CRY2: variants seen among roughly 807,000 people sequenced by gnomAD.
CRY2 encodes cryptochrome-2.
CRY2 carries 31 observed loss-of-function variants against 69.5 expected under a neutral mutation model. That is an observed-to-expected ratio of 0.45 (90% CI 0.34 to 0.60). The LOEUF (loss-of-function observed/expected upper bound fraction) is 0.60, where lower values mean the gene tolerates loss of function less well. CRY2 is among the 20% of genes least tolerant of loss of function. The pLI, the probability that CRY2 is intolerant of heterozygous loss-of-function variation, is 0.02. For missense variants in CRY2, 606 were observed against 797.8 expected, an observed-to-expected ratio of 0.76 and a Z score of 2.90; for synonymous variants, 303 against 312.2, an observed-to-expected ratio of 0.97 and a Z score of 0.31.
chr11:45,880,915 T>G lies in CRY2; in HGVS notation c.*4T>G, dbSNP rs566584473. ...TTTGCACTTGTTTTTCTCTTCCAGC[T>G]GCAGAGCCCTTGCTCCGTGAGCAAA... On this transcript the variant is annotated splice_region_variant and 3_prime_UTR_variant, in exon 12 of 12. Transcript: ENST00000616080. 5.1e-4 allele frequency: 78 copies of G among 152,414 alleles called. No homozygotes were observed. Among genetic ancestry groups the G allele is most frequent in the African/African-American group, 1.8e-3 (75 of 41,588 alleles). The allele number at this position is 152,414 out of a possible 1,614,324, so 9.4% of individuals were successfully genotyped here.
intron 2 of CRY2, among the ~76,000 whole-genome samples, chr11:45,857,548 T>G (rs946916038): frequency 3.9e-5 from 6 of 152,120 alleles, no homozygotes. Context: ...GGCCCCATAC[T>G]AGGTATAAGG....
intron 9 of CRY2, 104 bp from the exon 10 acceptor site, chr11:45,870,736 CAG>C: frequency 8.9e-7 from 1 of 1,117,838 alleles, no homozygotes; most frequent in Non-Finnish European, 1.3e-6. Context: ...AATGGAACCT[CAG>C]TGTCTTGCTC....
At chr11:45,878,862 T>G (rs1565065415) in intron 11 of CRY2, among the ~76,000 whole-genome samples, 1 of 136,666 alleles carries the variant, frequency 7.3e-6, no homozygotes, top group Non-Finnish European at 1.5e-5. Flanking sequence ...GAAGTTGCAG[T>G]GAGCCAAGAT....
intron 5 of CRY2, among the ~76,000 whole-genome samples, chr11:45,862,744 C>CT (rs2086298160): frequency 6.6e-6 from 1 of 152,152 alleles, no homozygotes; most frequent in Admixed American, 6.5e-5. Flanking sequence ...TGCTGGAACT[C>CT]TTTCAGCGTG....
intron 10 of CRY2, among the ~76,000 whole-genome samples, chr11:45,871,607 CTG>C (rs2086383797): frequency 6.6e-6 from 1 of 152,210 alleles, no homozygotes; most frequent in Non-Finnish European, 1.5e-5. Context: ...AGGAGAAAGA[CTG>C]GACAGATTCG....
At position 45,871,427 on chromosome 11, in the gene CRY2, G is replaced by A. The variant is rs1303514410; in HGVS notation, c.1642+493G>A. 2.0e-5 allele frequency among the ~76,000 whole-genome samples: 3 copies of A among 152,126 alleles called. No homozygotes were observed. The East Asian group carries it at 5.8e-4, about 29-fold the overall frequency. On this transcript the variant is annotated intron_variant, in intron 10 of 11. Coordinates refer to ENST00000616080, the MANE Select transcript of CRY2 (RefSeq NM_021117.5). ...GTGGCAGGCCTGATGTCCGAGACGA[G>A]GACTAGGATTCAGCCTTCAGTGCAC...
In CRY2 at chr11:45,870,928, AG is replaced by A; in HGVS notation, c.1637del (p.Ser546MetfsTer77). The A allele has an allele frequency of 6.2e-7, 1 of 1,610,134 alleles. No individual in the cohort carries two copies. Among genetic ancestry groups the A allele is most frequent in the Non-Finnish European group, 8.5e-7 (1 of 1,179,734 alleles). ...PSSSQAGSMS[S>X]AGPRPLPSGP... ...CTCGAGCCAGGCTGGCAGCATGAGC[AG>A]TGCAGGTGAGCAGCAGCAACCAACC... On this transcript the variant is annotated frameshift_variant, in exon 10 of 12. Transcript: ENST00000616080. LOFTEE classifies it high-confidence loss of function.
intron 11 of CRY2, among the ~76,000 whole-genome samples, chr11:45,879,859 A>T (rs114549313): frequency 6.6e-6 from 1 of 152,132 alleles, no homozygotes; most frequent in Admixed American, 6.5e-5. Context: ...TTTTCTTCTG[A>T]GGCTCCTCTC....
rs1056806673 is a variant in CRY2 at position 45,864,014 on chromosome 11, C to A, written c.741+1866C>A. Among the ~76,000 whole-genome samples, 4 of 152,136 alleles carry A rather than the reference C, an allele frequency of 2.6e-5. No individual in the cohort carries two copies. The East Asian group carries it at 5.8e-4, about 22-fold the overall frequency. ...GAATTTGAATACCACCATTTTGTAA[C>A]CCTCAATAATGATGCATTATGTATT... On this transcript the variant is annotated intron_variant, in intron 5 of 11. Transcript: ENST00000616080.
At chr11:45,848,415 T>G (rs2086169607) in intron 1 of CRY2, among the ~76,000 whole-genome samples, 2 of 152,092 alleles carry the variant, frequency 1.3e-5, no homozygotes, top group South Asian at 4.2e-4. Flanking sequence ...ATAGAAAAAT[T>G]TAAAAGAATC....
At chr11:45,860,752 C>G (rs1256188226) in intron 3 of CRY2, 96 bp from the exon 4 acceptor site, 5 of 1,420,022 alleles carry the variant, frequency 3.5e-6, no homozygotes, top group Non-Finnish European at 4.8e-6. Context: ...GAAAGCCACC[C>G]TCAAAGCCTT....
In CRY2 at chr11:45,870,388, G is replaced by A; in HGVS notation, c.1405G>A (p.Ala469Thr). 6.2e-7 allele frequency: 1 copy of A among 1,614,222 alleles called. No individual in the cohort carries two copies. The highest frequency in any genetic ancestry group is 1.1e-5 in the South Asian group (1 of 91,090). The change falls in exon 9 of 12, where the codon GCC becomes ACC. Residue 469 changes from alanine (A) to threonine (T), a missense_variant. By Grantham distance (58) the Ala-to-Thr change is moderately conservative (BLOSUM62 0). Coordinates refer to ENST00000616080, the MANE Select transcript of CRY2 (RefSeq NM_021117.5). ...TCGATACATCTATGAGCCCTGGAAT[G>A]CCCCAGAGTCAATTCAGAAGGCAGC... ...PSRYIYEPWN[A>T]PESIQKAAKC...
intron 11 of CRY2, among the ~76,000 whole-genome samples, chr11:45,877,850 C>G (rs1002807712): frequency 4.6e-5 from 7 of 152,188 alleles, no homozygotes; most frequent in Admixed American, 3.9e-4. Context: ...GCTCGAGTAA[C>G]TAGTTGAACA....
Position 45,861,003 on chromosome 11 carries a change from C to T in CRY2, c.623C>T (p.Thr208Ile). The T allele has an allele frequency of 6.2e-7, 1 of 1,613,596 alleles. No homozygotes were observed. Among genetic ancestry groups the T allele is most frequent in the Non-Finnish European group, 8.5e-7 (1 of 1,180,002 alleles). The change falls in exon 4 of 12, where the codon ACC becomes ATC. Residue 208 changes from threonine (T) to isoleucine (I), a missense_variant. Physicochemically the swap from Thr to Ile is moderately conservative, Grantham distance 89. Transcript: ENST00000616080. ...RAEIQENHDETYGVPSLEELG... is the reference protein window; with the variant it reads ...RAEIQENHDEIYGVPSLEELG... ...GAGATCCAGGAGAACCACGACGAGA[C>T]CTACGGCGTGCCCTCCCTGGAGGAG...
chr11:45,877,744 A>T (rs1192387539), intron 11 of CRY2, among the ~76,000 whole-genome samples: 1 of 151,788 alleles, frequency 6.6e-6, no homozygotes, highest in Non-Finnish European at 1.5e-5. Flanking sequence ...TTTTTGCAAG[A>T]CCTCATTTGA....
intron 6 of CRY2, among the ~76,000 whole-genome samples, chr11:45,868,998 G>A (rs2086353333): frequency 6.6e-6 from 1 of 152,160 alleles, no homozygotes; most frequent in Non-Finnish European, 1.5e-5. Flanking sequence ...GGATAGCTTT[G>A]CCAGTTTGGT....
At chr11:45,876,244 T>C (rs888123917) in intron 11 of CRY2, among the ~76,000 whole-genome samples, 6 of 152,192 alleles carry the variant, frequency 3.9e-5, no homozygotes, top group African/African-American at 1.4e-4. Context: ...TCTATAGTTC[T>C]GGATTCTGTT....
chr11:45,869,691 C>T lies in CRY2; in HGVS notation c.1068C>T (p.Phe356=), dbSNP rs777268085. The T allele has an allele frequency of 6.2e-7, 1 of 1,614,224 alleles. No homozygotes were observed. The highest frequency in any genetic ancestry group is 1.3e-5 in the African/African-American group (1 of 75,072). The change falls in exon 7 of 12, where the codon TTC becomes TTT. Residue 356 remains phenylalanine (F), a synonymous_variant. Transcript: ENST00000616080. ...AGTGGGCTGAGGGCAAGACAGGCTT[C>T]CCTTGGATTGATGCCATCATGACCC... ...LAKWAEGKTG[F]PWIDAIMTQL... is the part of the protein sequence containing the mutation.
chr11:45,862,292 CAACAGCAACACT>C (rs2086294070), intron 5 of CRY2, 144 bp downstream of exon 5: 1 of 668,148 alleles, frequency 1.5e-6, no homozygotes, highest in Non-Finnish European at 2.5e-6. Flanking sequence ...ATGGCCATAA[CAACAGCAACACT>C]AACAGCAACT....
Sources: allele counts gnomAD v4.1 joint callset (sites outside exome capture counted in the v4.1 genomes callset), GRCh38; gene constraint gnomAD v4.1.1; transcripts MANE v1.5; gene names NCBI Gene and HGNC (gene_info 2026-07-23, HGNC 2026-07-21).